IFNAR2: variants seen among roughly 807,000 people sequenced by gnomAD.
IFNAR2 encodes interferon alpha/beta receptor 2.
A neutral mutation model predicts 49.4 loss-of-function variants in IFNAR2; 30 were observed. The ratio of observed to expected loss-of-function variants is 0.61; its 90% CI spans 0.45 to 0.82. IFNAR2 has a LOEUF of 0.82. IFNAR2 is among the 40% of genes least tolerant of loss of function. The probability of loss-of-function intolerance (pLI) is 0.00; values close to 1 mark genes in which losing one functional copy is unlikely to be tolerated. For synonymous variants in IFNAR2, 224 were observed against 234.5 expected (o/e 0.96, Z 0.41); for missense variants, 600 against 622.7 (o/e 0.96, Z 0.39).
intron 8 of IFNAR2, among the ~76,000 whole-genome samples, chr21:33,262,237 C>T (rs915881395): frequency 2.2e-4 from 33 of 151,486 alleles, no homozygotes; most frequent in Non-Finnish European, 4.0e-4. Context: ...TAGTGGCGGG[C>T]GCCTGTAATC....
chr21:33,238,872 G>T (rs57130205), intron 1 of IFNAR2, among the ~76,000 whole-genome samples: 1,765 of 151,862 alleles, frequency 0.012, 48 homozygotes, highest in African/African-American at 0.041. Context: ...GATGCAAATC[G>T]CTCTTAAACC....
In IFNAR2 at chr21:33,263,026, G is replaced by A. The variant is rs775409100; in HGVS notation, c.1074G>A (p.Gln358=). 4 of 1,614,176 alleles carry A rather than the reference G, an allele frequency of 2.5e-6. No homozygotes were observed. In the African/African-American group the frequency reaches 4.0e-5, roughly 16 times the overall value. ...GQASATSTES[Q]LIDPESEEEP... is the part of the protein sequence containing the mutation. ...CCTCTGCCACCTCTACAGAATCCCAGTTGATAGACCCGGAGTCCGAGGAGG... is the reference window on the plus strand; with the variant it reads ...CCTCTGCCACCTCTACAGAATCCCAATTGATAGACCCGGAGTCCGAGGAGG... The change falls in exon 9 of 9, where the codon CAG becomes CAA. Residue 358 remains glutamine, a synonymous_variant. Coordinates refer to ENST00000342136, the MANE Select transcript of IFNAR2 (RefSeq NM_001289125.3).
intron 1 of IFNAR2, among the ~76,000 whole-genome samples, chr21:33,233,601 G>A (rs1416879136): frequency 6.6e-6 from 1 of 152,162 alleles, no homozygotes; most frequent in East Asian, 1.9e-4. Context: ...CTAAATGCCA[G>A]ACTATGATGG....
At chr21:33,243,151 C>G (rs78625396) in intron 2 of IFNAR2, among the ~76,000 whole-genome samples, 15,761 of 151,376 alleles carry the variant, frequency 0.1, 1,055 homozygotes, top group East Asian at 0.2. Flanking sequence ...TGAGCGATCT[C>G]ACCTCACTGC....
intron 6 of IFNAR2, among the ~76,000 whole-genome samples, chr21:33,250,423 GA>G (rs1281500056): frequency 6.6e-6 from 1 of 151,234 alleles, no homozygotes; most frequent in East Asian, 1.9e-4. Context: ...TTTAAATCCA[GA>G]AAAAAAAATA....
At chr21:33,237,990 A>T (rs895027138) in intron 1 of IFNAR2, among the ~76,000 whole-genome samples, 1 of 152,154 alleles carries the variant, frequency 6.6e-6, no homozygotes, top group South Asian at 2.1e-4. Flanking sequence ...CAAAAAGAAG[A>T]AGCAGATAAG....
chr21:33,240,196 G>A (rs1467649901), intron 1 of IFNAR2, among the ~76,000 whole-genome samples: 1 of 152,222 alleles, frequency 6.6e-6, no homozygotes, highest in Non-Finnish European at 1.5e-5. Context: ...GGCAAAGATG[G>A]ACCTTTTATA....
chr21:33,238,700 G>T (rs1482262774), intron 1 of IFNAR2, among the ~76,000 whole-genome samples: 2 of 149,946 alleles, frequency 1.3e-5, no homozygotes, highest in African/African-American at 2.5e-5. Flanking sequence ...AACAGCACAA[G>T]CAACTCAAAG....
In IFNAR2 at chr21:33,262,990, T is replaced by A. The variant is rs778349804; in HGVS notation, c.1038T>A (p.Pro346=). The A allele has an allele frequency of 6.2e-7, 1 of 1,614,146 alleles. No homozygotes were observed. Among genetic ancestry groups the A allele is most frequent in the Non-Finnish European group, 8.5e-7 (1 of 1,180,008 alleles). Residue 346 remains proline (P), a synonymous_variant, in exon 9 of 9, where the codon CCT becomes CCA. Coordinates refer to ENST00000342136, the MANE Select transcript of IFNAR2 (RefSeq NM_001289125.3). ...GYTMHGLTVR[P]LGQASATSTE... ...CCATGCATGGACTGACTGTCAGGCC[T>A]CTGGGTCAGGCCTCTGCCACCTCTA...
At chr21:33,236,759 A>C (rs1033221975) in intron 1 of IFNAR2, 1 of 985,070 alleles carries the variant, frequency 1.0e-6, no homozygotes, top group Non-Finnish European at 1.2e-6. Context: ...CAAAACTCAC[A>C]TTGAAAGATA....
intron 1 of IFNAR2, among the ~76,000 whole-genome samples, chr21:33,236,482 C>T (rs745699319): frequency 2.0e-5 from 3 of 152,222 alleles, no homozygotes; most frequent in Non-Finnish European, 4.4e-5. Context: ...GACCCAGAGA[C>T]TCATCCCTGC....
intron 1 of IFNAR2, among the ~76,000 whole-genome samples, chr21:33,236,133 G>T (rs1262162448): frequency 6.6e-6 from 1 of 152,022 alleles, no homozygotes; most frequent in Non-Finnish European, 1.5e-5. Context: ...CCAGACAGAG[G>T]AAGATTGCAA....
chr21:33,237,292 G>A (rs1986551127), intron 1 of IFNAR2, among the ~76,000 whole-genome samples: 1 of 152,168 alleles, frequency 6.6e-6, no homozygotes, highest in Admixed American at 6.5e-5. Context: ...AGCCCTTTGT[G>A]GGGCTGAGGC....
rs1287358692 is a variant in IFNAR2 at position 33,263,184 on chromosome 21, A to G, written c.1232A>G (p.Tyr411Cys). The G allele has an allele frequency of 1.2e-6, 2 of 1,614,202 alleles. No individual in the cohort carries two copies. The highest frequency in any genetic ancestry group is 1.7e-5 in the Admixed American group (1 of 60,012). The change falls in exon 9 of 9, where the codon TAC becomes TGC. Residue 411 changes from tyrosine (Y) to cysteine (C), a missense_variant. By Grantham distance (194) the Tyr-to-Cys change is radical. Transcript: ENST00000342136. ...CAGGACCCTTTTCCCGAAGAGGACT[A>G]CAGCTCCACGGAGGGGTCTGGGGGC... ...PLQDPFPEED[Y>C]SSTEGSGGRI...
chr21:33,240,140 C>G (rs1986812220), intron 1 of IFNAR2, among the ~76,000 whole-genome samples: 1 of 152,198 alleles, frequency 6.6e-6, no homozygotes, highest in Admixed American at 6.5e-5. Context: ...CTACAGCCCT[C>G]TCACACATTT....
At chr21:33,256,986 T>G (rs1741889943) in intron 7 of IFNAR2, among the ~76,000 whole-genome samples, 1 of 152,166 alleles carries the variant, frequency 6.6e-6, no homozygotes, top group Non-Finnish European at 1.5e-5. Context: ...GGATGTGAAT[T>G]CATATTCAAG....
chr21:33,243,440 T>G (rs1987145397), intron 2 of IFNAR2, among the ~76,000 whole-genome samples: 1 of 152,176 alleles, frequency 6.6e-6, no homozygotes, highest in Non-Finnish European at 1.5e-5. Flanking sequence ...CATATTGTTG[T>G]TAGTGTCAGC....
chr21:33,259,937 G>A (rs1054779072), intron 7 of IFNAR2, among the ~76,000 whole-genome samples: 1 of 152,126 alleles, frequency 6.6e-6, no homozygotes, highest in South Asian at 2.1e-4. Context: ...GCTATAGTTC[G>A]AGGATTAATA....
At chr21:33,253,776 C>T (rs1051620261) in intron 7 of IFNAR2, among the ~76,000 whole-genome samples, 5 of 152,202 alleles carry the variant, frequency 3.3e-5, no homozygotes, top group African/African-American at 1.2e-4. Context: ...GTAACTTCCT[C>T]ACATTGCCAT....
Sources: allele counts gnomAD v4.1 joint callset (sites outside exome capture counted in the v4.1 genomes callset), GRCh38; gene constraint gnomAD v4.1.1; transcripts MANE v1.5; gene names NCBI Gene and HGNC (gene_info 2026-07-23, HGNC 2026-07-21).